The following STON2 variants were observed in gnomAD, a reference collection of about 807,000 sequenced individuals.
STON2 encodes the protein stonin 2.
STON2 carries 29 observed loss-of-function variants against 65.7 expected under a neutral mutation model. The ratio of observed to expected loss-of-function variants is 0.44; its 90% confidence interval spans 0.33 to 0.60. The LOEUF is 0.60. Among genes scored for constraint, STON2 ranks in the 20% least tolerant of loss-of-function variants. The probability of loss-of-function intolerance (pLI) is 0.03; values close to 1 mark genes in which losing one functional copy is unlikely to be tolerated. For synonymous variants in STON2, 404 were observed against 414.2 expected, an observed-to-expected ratio of 0.98 and a Z score of 0.30; for missense variants, 1,054 against 1,118.1, an observed-to-expected ratio of 0.94 and a Z score of 0.82.
In STON2 at chr14:81,394,292, A is replaced by G. The variant is rs985464661; in HGVS notation, c.373+1602T>C. Among the ~76,000 whole-genome samples, 22 of 152,360 alleles carry G rather than the reference A, an allele frequency of 1.4e-4. 1 individual carries two copies. Among genetic ancestry groups the G allele is most frequent in the African/African-American group, 4.6e-4 (19 of 41,588 alleles). On this transcript the variant is annotated intron_variant, in intron 3 of 7. Transcript: ENST00000614646. ...TAAATGTTTGTTACAGAATTGTTTT[A>G]TATTTTCTTAAAATCATTTTAGTAT... is the stretch of plus-strand genomic sequence containing the variant.
intron 6 of STON2, among the ~76,000 whole-genome samples, chr14:81,271,207 G>C (rs1894577631): frequency 6.6e-6 from 1 of 152,224 alleles, no homozygotes; most frequent in African/African-American, 2.4e-5. Flanking sequence ...AGGATGTGAA[G>C]AATGGAATGG....
At chr14:81,323,919 T>A (rs1896912457) in intron 5 of STON2, among the ~76,000 whole-genome samples, 98 bp downstream of exon 5, 1 of 151,472 alleles carries the variant, frequency 6.6e-6, no homozygotes, top group Non-Finnish European at 1.5e-5. Flanking sequence ...CACCTTCAAT[T>A]GTCTCAGAAA....
chr14:81,370,328 T>C (rs773112479), intron 4 of STON2, among the ~76,000 whole-genome samples: 1 of 152,178 alleles, frequency 6.6e-6, no homozygotes, highest in Non-Finnish European at 1.5e-5. Flanking sequence ...CAATGCCAAG[T>C]ATCTTTCCAG....
At chr14:81,378,505 T>G (rs1363868749) in intron 3 of STON2, among the ~76,000 whole-genome samples, 4 of 152,248 alleles carry the variant, frequency 2.6e-5, no homozygotes, top group Non-Finnish European at 1.5e-5. Context: ...CATGAGCCAC[T>G]GTGCCTGGCC....
At chr14:81,338,033 T>C (rs980318734) in intron 4 of STON2, among the ~76,000 whole-genome samples, 8 of 152,196 alleles carry the variant, frequency 5.3e-5, no homozygotes, top group Non-Finnish European at 1.2e-4. Flanking sequence ...CTAAAGCTCT[T>C]GTAGATAGAG....
At chr14:81,326,982 AC>A (rs1198839048) in intron 4 of STON2, among the ~76,000 whole-genome samples, 1 of 151,918 alleles carries the variant, frequency 6.6e-6, no homozygotes, top group African/African-American at 2.4e-5. Context: ...ACATGGCAAA[AC>A]CCCGTCTCTA....
intron 3 of STON2, among the ~76,000 whole-genome samples, chr14:81,387,396 C>T (rs1226221952): frequency 2.0e-5 from 3 of 152,188 alleles, no homozygotes; most frequent in African/African-American, 7.2e-5. Flanking sequence ...CACTTATCAA[C>T]ATGGCCCGAC....
At chr14:81,413,337 GGAA>G in intron 2 of STON2, 1 of 969,026 alleles carries the variant, frequency 1.0e-6, no homozygotes. Flanking sequence ...CCTTGCTAAG[GGAA>G]CACCTCGATG....
intron 4 of STON2, among the ~76,000 whole-genome samples, chr14:81,349,517 C>CA (rs1181928728): frequency 1.3e-5 from 2 of 151,920 alleles, no homozygotes; most frequent in Admixed American, 6.6e-5. Flanking sequence ...CAGAGAAATG[C>CA]AAATCAAAGC....
At chr14:81,272,972 C>T (rs1894661254) in intron 6 of STON2, among the ~76,000 whole-genome samples, 1 of 152,208 alleles carries the variant, frequency 6.6e-6, no homozygotes. Context: ...ATGACTCTGC[C>T]TTCAAACTAT....
At chr14:81,388,695 G>T (rs1231192074) in intron 3 of STON2, among the ~76,000 whole-genome samples, 1 of 152,112 alleles carries the variant, frequency 6.6e-6, no homozygotes, top group African/African-American at 2.4e-5. Context: ...TTCTTAGGTG[G>T]CACAGTTTAA....
intron 2 of STON2, among the ~76,000 whole-genome samples, chr14:81,407,297 A>T (rs1853553571): frequency 6.6e-6 from 1 of 152,232 alleles, no homozygotes; most frequent in African/African-American, 2.4e-5. Flanking sequence ...ACAGTAATGT[A>T]CTGAAAATTA....
At chr14:81,354,815 A>C (rs1255031915) in intron 4 of STON2, among the ~76,000 whole-genome samples, 1 of 152,084 alleles carries the variant, frequency 6.6e-6, no homozygotes, top group Non-Finnish European at 1.5e-5. Context: ...TCAGGAGTTC[A>C]AGACCAGCCT....
chr14:81,417,235 A>G (rs968262232), intron 2 of STON2, among the ~76,000 whole-genome samples: 2 of 152,020 alleles, frequency 1.3e-5, no homozygotes, highest in Non-Finnish European at 2.9e-5. Context: ...GACAAAAACC[A>G]CGTTCTCTTA....
chr14:81,357,973 T>C (rs957140858), intron 4 of STON2, among the ~76,000 whole-genome samples: 2 of 151,254 alleles, frequency 1.3e-5, no homozygotes, highest in African/African-American at 4.9e-5. Context: ...CACCAGCATG[T>C]CACATGTATA....
intron 2 of STON2, among the ~76,000 whole-genome samples, chr14:81,416,364 A>G (rs1292161564): frequency 6.6e-6 from 1 of 152,198 alleles, no homozygotes; most frequent in Non-Finnish European, 1.5e-5. Context: ...GCAAAGAAGG[A>G]GGAGACCTTA....
At chr14:81,426,566 C>T (rs1210482648) in intron 2 of STON2, among the ~76,000 whole-genome samples, 1 of 152,182 alleles carries the variant, frequency 6.6e-6, no homozygotes, top group Admixed American at 6.5e-5. Flanking sequence ...GACTCTCACA[C>T]TTAACGCATC....
At chr14:81,275,041 G>A (rs1894756167) in intron 6 of STON2, among the ~76,000 whole-genome samples, 1 of 88,182 alleles carries the variant, frequency 1.1e-5, no homozygotes, top group South Asian at 3.5e-4. Flanking sequence ...TCTGTCTAAA[G>A]TCTTCTCTTG....
chr14:81,277,061 T>C lies in STON2; in HGVS notation c.2421A>G (p.Glu807=). The C allele has an allele frequency of 6.2e-7, 1 of 1,614,214 alleles. No individual in the cohort carries two copies. The highest frequency in any genetic ancestry group is 8.5e-7 in the Non-Finnish European group (1 of 1,180,032). The change falls in exon 6 of 8, where the codon GAA becomes GAG. Residue 807 remains glutamate, a synonymous_variant. Transcript: ENST00000614646. ...KNFRRESVLG[E]KSLKAKVNRG... is the part of the protein sequence containing the mutation. The stretch of plus-strand genomic sequence containing the variant: ...GGTTCACTTTGGCTTTCAAAGACTT[T>C]TCCCCCAGGACACTTTCCCTGCGGA...
Sources: allele counts gnomAD v4.1 joint callset (sites outside exome capture counted in the v4.1 genomes callset), GRCh38; gene constraint gnomAD v4.1.1; transcripts MANE v1.5; gene names NCBI Gene and HGNC (gene_info 2026-07-23, HGNC 2026-07-21).